Variants in NOX4 observed in about 807,000 individuals in gnomAD.
The protein encoded by NOX4 is NADPH oxidase 4, also known as kidney oxidase-1.
NOX4 carries 69 observed loss-of-function variants against 87.6 expected under a neutral mutation model. That is an observed-to-expected ratio of 0.79 (90% CI 0.65 to 0.96). The LOEUF (loss-of-function observed/expected upper bound fraction) is 0.96, where lower values mean the gene tolerates loss of function less well. Among genes scored for constraint, NOX4 ranks in the 40% least tolerant of loss-of-function variants. The pLI, the probability that NOX4 is intolerant of heterozygous loss-of-function variation, is 0.00. For synonymous variants in NOX4, 275 were observed against 238.2 expected, an observed-to-expected ratio of 1.15 and a Z score of -1.42; for missense variants, 680 against 681.5, an observed-to-expected ratio of 1.00 and a Z score of 0.02.
At chr11:89,346,780 A>T (rs1326498070) in intron 13 of NOX4, among the ~76,000 whole-genome samples, 2 of 152,194 alleles carry the variant, frequency 1.3e-5, no homozygotes, top group Non-Finnish European at 2.9e-5. Context: ...GTCTTGCGCT[A>T]ACACAGCTTC....
chr11:89,538,165 G>T, the NOX4 span, among the ~76,000 whole-genome samples: 1 of 152,158 alleles, frequency 6.6e-6, no homozygotes, highest in Admixed American at 6.5e-5. Context: ...GCACCCAACT[G>T]CAGTTCCATT....
the NOX4 span, among the ~76,000 whole-genome samples, chr11:89,544,070 T>C: frequency 6.6e-6 from 1 of 152,116 alleles, no homozygotes; most frequent in Non-Finnish European, 1.5e-5. Flanking sequence ...ATTTTTCTAA[T>C]ACTGTAGACT....
chr11:89,493,863 C>T (rs1241524919), upstream of NOX4, among the ~76,000 whole-genome samples: 1 of 151,956 alleles, frequency 6.6e-6, no homozygotes, highest in African/African-American at 2.4e-5. Flanking sequence ...AATTCTCTCA[C>T]CTCAGCCTCC....
the NOX4 span, among the ~76,000 whole-genome samples, chr11:89,554,802 G>A: frequency 1.3e-5 from 2 of 152,060 alleles, no homozygotes; most frequent in African/African-American, 2.4e-5. Context: ...TGTATTTTTA[G>A]AGGGCTGTAA....
chr11:89,521,649 A>G, the NOX4 span, among the ~76,000 whole-genome samples: 2 of 152,250 alleles, frequency 1.3e-5, no homozygotes, highest in East Asian at 3.9e-4. Flanking sequence ...AGTCCTCAAA[A>G]GCAATTGCTA....
At chr11:89,555,546 T>C in the NOX4 span, among the ~76,000 whole-genome samples, 12 of 152,152 alleles carry the variant, frequency 7.9e-5, no homozygotes, top group Non-Finnish European at 1.6e-4. Context: ...TAATTTATCC[T>C]CTTATTGTTA....
intron 6 of NOX4, among the ~76,000 whole-genome samples, chr11:89,435,974 C>T (rs1944062363): frequency 6.6e-6 from 1 of 152,034 alleles, no homozygotes; most frequent in African/African-American, 2.4e-5. Flanking sequence ...TTACAATTAG[C>T]AAGGGCAGAA....
At chr11:89,465,991 CT>C (rs1415049930) in intron 2 of NOX4, among the ~76,000 whole-genome samples, 1 of 152,086 alleles carries the variant, frequency 6.6e-6, no homozygotes, top group East Asian at 1.9e-4. Context: ...GGATTAATGC[CT>C]TTATAAGAAG....
chr11:89,470,961 C>T (rs946404601), intron 2 of NOX4, among the ~76,000 whole-genome samples: 1 of 152,086 alleles, frequency 6.6e-6, no homozygotes, highest in African/African-American at 2.4e-5. Context: ...TTCCAACCCC[C>T]AGGATAACTA....
chr11:89,396,653 A>T (rs1423620350), intron 11 of NOX4, among the ~76,000 whole-genome samples: 1 of 152,130 alleles, frequency 6.6e-6, no homozygotes, highest in Admixed American at 6.6e-5. Context: ...AACAAAAAAA[A>T]GCAGGGATTG....
intron 2 of NOX4, among the ~76,000 whole-genome samples, chr11:89,453,692 T>G (rs1945064795): frequency 6.6e-6 from 1 of 152,160 alleles, no homozygotes; most frequent in South Asian, 2.1e-4. Flanking sequence ...CGATATTGTC[T>G]TCCTTCTTAA....
intron 6 of NOX4, among the ~76,000 whole-genome samples, chr11:89,439,414 T>G (rs1250808663): frequency 6.6e-6 from 1 of 152,158 alleles, no homozygotes; most frequent in Non-Finnish European, 1.5e-5. Context: ...AAGTGGCAAG[T>G]ATTATAAATC....
At position 89,431,592 on chromosome 11, in the gene NOX4, A is replaced by G. The variant is rs1039543753; in HGVS notation, c.548+1192T>C. On this transcript the variant is annotated intron_variant, in intron 7 of 17. Coordinates refer to ENST00000263317, the MANE Select transcript of NOX4 (RefSeq NM_016931.5). ...AGACATTTATGCAGCCAAAAGACAC[A>G]TGAAAAAATGCTCATCATCACTGGC... 1.8e-4 allele frequency among the ~76,000 whole-genome samples: 27 copies of G among 152,216 alleles called. 1 individual carries two copies. Among genetic ancestry groups the G allele is most frequent in the Non-Finnish European group, 3.2e-4 (22 of 68,036 alleles).
At chr11:89,430,112 A>T (rs1158984651) in intron 7 of NOX4, among the ~76,000 whole-genome samples, 1 of 152,340 alleles carries the variant, frequency 6.6e-6, no homozygotes, top group South Asian at 2.1e-4. Flanking sequence ...CCACATGATT[A>T]TCTCCATAGA....
chr11:89,539,423 C>T, the NOX4 span, among the ~76,000 whole-genome samples: 1 of 151,610 alleles, frequency 6.6e-6, no homozygotes, highest in Non-Finnish European at 1.5e-5. Flanking sequence ...CAGAGCAAGA[C>T]TCTGTCTCAA....
intron 12 of NOX4, among the ~76,000 whole-genome samples, chr11:89,367,872 T>C (rs1430251938): frequency 6.6e-6 from 1 of 152,046 alleles, no homozygotes; most frequent in Non-Finnish European, 1.5e-5. Flanking sequence ...TTTCCTGACA[T>C]TCCAAGCTAG....
At chr11:89,587,495 C>CAGAG in the NOX4 span, among the ~76,000 whole-genome samples, 2 of 149,662 alleles carry the variant, frequency 1.3e-5, no homozygotes, top group African/African-American at 5.0e-5. Flanking sequence ...GATTGCGTTC[C>CAGAG]AGATGAACGC....
intron 12 of NOX4, among the ~76,000 whole-genome samples, chr11:89,368,257 T>C (rs1939165881): frequency 6.6e-6 from 1 of 152,120 alleles, no homozygotes; most frequent in Admixed American, 6.6e-5. Context: ...TTAGAATTTG[T>C]CCAGTGGTAT....
At chr11:89,427,081 C>G (rs928189369) in intron 7 of NOX4, among the ~76,000 whole-genome samples, 3 of 152,196 alleles carry the variant, frequency 2.0e-5, no homozygotes, top group Non-Finnish European at 2.9e-5. Context: ...CACTGTTCTG[C>G]AGCCTGCACT....
Sources: gnomAD v4.1 joint callset for allele counts (sites outside exome capture counted in the v4.1 genomes callset) on GRCh38, gnomAD v4.1.1 for gene constraint, MANE v1.5 for transcripts, NCBI Gene and HGNC (gene_info 2026-07-23, HGNC 2026-07-21) for gene names.